SPHKAP: variants seen among roughly 807,000 people sequenced by gnomAD.
The protein encoded by SPHKAP is SPHK1 interactor, AKAP domain containing, also known as A-kinase anchor protein SPHKAP.
In SPHKAP, 67 loss-of-function variants were observed where a neutral mutation model predicts 137.5. The ratio of observed to expected loss-of-function variants is 0.49; its 90% CI spans 0.40 to 0.60. The LOEUF (loss-of-function observed/expected upper bound fraction) is 0.60. Ranked by LOEUF, SPHKAP falls within the 20% of genes least tolerant of loss-of-function variation. The pLI is 0.00. For missense variants in SPHKAP, 2,097 were observed against 2,069.3 expected, an observed-to-expected ratio of 1.01 and a Z score of -0.26; for synonymous variants, 813 against 785.3, an observed-to-expected ratio of 1.04 and a Z score of -0.59.
intron 1 of SPHKAP, among the ~76,000 whole-genome samples, chr2:228,171,540 C>T (rs1574917801): frequency 6.6e-6 from 1 of 152,158 alleles, no homozygotes; most frequent in African/African-American, 2.4e-5. Flanking sequence ...TCAATTATGT[C>T]AAATTCTCCT....
intron 5 of SPHKAP, among the ~76,000 whole-genome samples, chr2:228,025,075 G>A (rs1172112834): frequency 6.6e-6 from 1 of 152,148 alleles, no homozygotes; most frequent in Non-Finnish European, 1.5e-5. Context: ...AAGAGAAGAT[G>A]ATTCTGTTTT....
rs141583191 is a variant in SPHKAP at position 228,171,310 on chromosome 2, T to G, written c.32+10257A>C. Among the ~76,000 whole-genome samples, 584 of 152,272 alleles carry G rather than the reference T, an allele frequency of 3.8e-3. 4 individuals carry two copies. The highest frequency in any genetic ancestry group is 4.5e-3 in the Non-Finnish European group (309 of 67,992). The stretch of plus-strand genomic sequence containing the variant: ...AGTAATTCCTTTAACTTTTCTTGAC[T>G]TTGGTTTCTTCATCTGTAAAGGAAG... On this transcript the variant is annotated intron_variant, in intron 1 of 11. Transcript: ENST00000392056.
At chr2:228,033,720 G>A (rs533554496) in intron 3 of SPHKAP, among the ~76,000 whole-genome samples, 6 of 152,298 alleles carry the variant, frequency 3.9e-5, no homozygotes, top group African/African-American at 1.4e-4. Flanking sequence ...TCAGGACTAA[G>A]AAACTCACTC....
chr2:228,147,572 A>T (rs984996174), intron 1 of SPHKAP, among the ~76,000 whole-genome samples: 31 of 152,210 alleles, frequency 2.0e-4, no homozygotes, highest in African/African-American at 7.0e-4. Flanking sequence ...AAGTCAGAAG[A>T]CTGGAACTTG....
At chr2:228,109,245 G>T (rs903347423) in intron 2 of SPHKAP, 3 of 391,312 alleles carry the variant, frequency 7.7e-6, no homozygotes, top group Non-Finnish European at 1.0e-5. Context: ...TGTTTTGGGG[G>T]TATGGCTATG....
intron 7 of SPHKAP, among the ~76,000 whole-genome samples, chr2:228,004,754 G>A (rs1327775250): frequency 2.0e-5 from 3 of 152,094 alleles, no homozygotes; most frequent in East Asian, 1.9e-4. Context: ...CTGGTATGTT[G>A]TGTCTTTGTT....
intron 2 of SPHKAP, 99 bp downstream of exon 2, chr2:228,131,881 T>C: frequency 6.8e-7 from 1 of 1,466,858 alleles, no homozygotes; most frequent in African/African-American, 1.4e-5. Flanking sequence ...TTGTTTGTTT[T>C]TATTGTTGTT....
chr2:228,119,471 ACTCTCTCT>A (rs58155215), intron 2 of SPHKAP, among the ~76,000 whole-genome samples: 1 of 148,462 alleles, frequency 6.7e-6, no homozygotes, highest in Non-Finnish European at 1.5e-5. Flanking sequence ...ACACACACAC[ACTCTCTCT>A]CTCTCTCTCT....
chr2:228,032,861 A>G (rs925830992), intron 3 of SPHKAP, among the ~76,000 whole-genome samples: 22 of 152,206 alleles, frequency 1.4e-4, no homozygotes, highest in Admixed American at 4.6e-4. Flanking sequence ...CTGCCCTACA[A>G]GAGCTCCTGA....
intron 3 of SPHKAP, among the ~76,000 whole-genome samples, chr2:228,039,463 T>C (rs907989123): frequency 6.6e-6 from 1 of 152,336 alleles, no homozygotes. Context: ...TTATGGGTTA[T>C]TAGCCAAGTA....
At chr2:228,053,774 T>A (rs1211201535) in intron 3 of SPHKAP, among the ~76,000 whole-genome samples, 1 of 152,336 alleles carries the variant, frequency 6.6e-6, no homozygotes, top group East Asian at 1.9e-4. Context: ...TGAAGTCTTG[T>A]AATGTATTTA....
At chr2:228,040,977 A>T (rs1266121856) in intron 3 of SPHKAP, among the ~76,000 whole-genome samples, 3 of 152,322 alleles carry the variant, frequency 2.0e-5, no homozygotes, top group African/African-American at 7.2e-5. Flanking sequence ...GACTAGAAGA[A>T]AACTAAAGAA....
intron 7 of SPHKAP, among the ~76,000 whole-genome samples, chr2:228,013,782 AG>A (rs1272927006): frequency 1.3e-5 from 2 of 152,208 alleles, no homozygotes; most frequent in Admixed American, 6.5e-5. Context: ...CATAGTTACA[AG>A]GTTAGTGAAA....
intron 1 of SPHKAP, among the ~76,000 whole-genome samples, chr2:228,135,138 G>T (rs1699395122): frequency 6.6e-6 from 1 of 152,074 alleles, no homozygotes; most frequent in South Asian, 2.1e-4. Context: ...GCCGGGCATG[G>T]TGGTGCATGC....
chr2:228,049,902 A>T (rs1157970172), intron 3 of SPHKAP, among the ~76,000 whole-genome samples: 2 of 152,146 alleles, frequency 1.3e-5, no homozygotes, highest in Non-Finnish European at 2.9e-5. Flanking sequence ...GTAAACAGAA[A>T]ACCTACAGAA....
chr2:227,997,529 CTTCT>C (rs1283872689), intron 7 of SPHKAP, among the ~76,000 whole-genome samples: 1 of 152,134 alleles, frequency 6.6e-6, no homozygotes, highest in Non-Finnish European at 1.5e-5. Context: ...AATAAGTATT[CTTCT>C]TTATTAATAA....
At chr2:228,157,225 T>C (rs1187082452) in intron 1 of SPHKAP, among the ~76,000 whole-genome samples, 1 of 152,168 alleles carries the variant, frequency 6.6e-6, no homozygotes, top group South Asian at 2.1e-4. Context: ...AAGAATCAGG[T>C]CAGGAAACAT....
chr2:228,034,662 C>T lies in SPHKAP; in HGVS notation c.247-7119G>A, dbSNP rs372651973. Reference sequence around the variant, plus strand: ...TATTGGCAAACCGAATCCAGCAGCACATCAAAAAGCTTATCCACCATGATC... The same window carrying T: ...TATTGGCAAACCGAATCCAGCAGCATATCAAAAAGCTTATCCACCATGATC... On this transcript the variant is annotated intron_variant, in intron 3 of 11. Transcript: ENST00000392056. 1.6e-4 allele frequency among the ~76,000 whole-genome samples: 24 copies of T among 152,292 alleles called. No homozygotes were observed. In the East Asian group the frequency reaches 2.1e-3, roughly 13 times the overall value.
chr2:228,055,759 T>C (rs1336765956), intron 3 of SPHKAP, among the ~76,000 whole-genome samples: 1 of 152,232 alleles, frequency 6.6e-6, no homozygotes, highest in Non-Finnish European at 1.5e-5. Context: ...ACTACTCCCA[T>C]GAAAGCTGTG....
Sources: gnomAD v4.1 joint callset for allele counts (sites outside exome capture counted in the v4.1 genomes callset) on GRCh38, gnomAD v4.1.1 for gene constraint, MANE v1.5 for transcripts, NCBI Gene and HGNC (gene_info 2026-07-23, HGNC 2026-07-21) for gene names.